Variants in NLGN4X observed in about 807,000 individuals in gnomAD.
The protein encoded by NLGN4X is neuroligin 4 X-linked.
NLGN4X carries 3 observed loss-of-function variants against 40.3 expected under a neutral mutation model. That is an observed-to-expected ratio of 0.07 (90% CI 0.03 to 0.19). The LOEUF is 0.19. NLGN4X is among the 10% of genes least tolerant of loss of function. The pLI is 1.00. For synonymous variants in NLGN4X, 270 were observed against 306.8 expected (o/e 0.88, Z 1.25); for missense variants, 382 against 708.3 (o/e 0.54, Z 5.23).
chrX:6,107,537 T>G (rs1336867893), intron 2 of NLGN4X, among the ~76,000 whole-genome samples: 1 of 111,688 alleles, frequency 9.0e-6, no homozygotes, highest in East Asian at 2.8e-4. Flanking sequence ...TACACTTTTT[T>G]GTGTTTTTGT....
chrX:5,891,513 T>G lies in NLGN4X; in HGVS notation c.*1304A>C, dbSNP rs1214272522. ...AATCTGATTAGCTAAGCTGAGCAGG[T>G]ACTTCATCGGCCAAACCCTCCCGCA... On this transcript the variant is annotated 3_prime_UTR_variant, in exon 6 of 6. Coordinates refer to ENST00000381095, the MANE Select transcript of NLGN4X (RefSeq NM_181332.3). 2.7e-5 allele frequency: 8 copies of G among 291,529 alleles called. No individual in the cohort carries two copies. Among genetic ancestry groups the G allele is most frequent in the Non-Finnish European group, 5.2e-5 (8 of 154,919 alleles). The allele number at this position is 291,529 out of a possible 1,213,427, so 24.0% of individuals were successfully genotyped here. A position where few individuals can be genotyped will look rare whatever the true frequency, so the allele number is the denominator to read the frequency against.
At chrX:6,125,310 G>A (rs1422760152) in intron 2 of NLGN4X, among the ~76,000 whole-genome samples, 1 of 111,882 alleles carries the variant, frequency 8.9e-6, no homozygotes. Flanking sequence ...TAGCGAAACA[G>A]AGAAAAAACA....
intron 1 of NLGN4X, among the ~76,000 whole-genome samples, chrX:6,180,721 T>G (rs1251135295): frequency 9.0e-6 from 1 of 110,890 alleles, no homozygotes; most frequent in Non-Finnish European, 1.9e-5. Context: ...GTGGCAGAAC[T>G]GTACTAAAAA....
At chrX:5,905,744 A>G (rs922606139) in intron 4 of NLGN4X, among the ~76,000 whole-genome samples, 2 of 111,841 alleles carry the variant, frequency 1.8e-5, no homozygotes, top group South Asian at 7.5e-4. Context: ...CAGTGGCGGG[A>G]TCTTGGCTCG....
chrX:6,003,520 A>G (rs958355290), intron 3 of NLGN4X, among the ~76,000 whole-genome samples: 2 of 111,870 alleles, frequency 1.8e-5, no homozygotes, highest in African/African-American at 6.5e-5. Context: ...TCCATAAAAC[A>G]AACGAAAATT....
intron 4 of NLGN4X, among the ~76,000 whole-genome samples, chrX:5,908,608 T>C (rs1006942732): frequency 2.7e-5 from 3 of 111,892 alleles, no homozygotes; most frequent in Admixed American, 1.9e-4. Flanking sequence ...CACATTTAAA[T>C]TAGGAGAAAA....
chrX:5,944,671 AAAG>A (rs1259686201), intron 3 of NLGN4X, among the ~76,000 whole-genome samples: 146 of 106,658 alleles, frequency 1.4e-3, no homozygotes, highest in African/African-American at 4.6e-3. Context: ...AAAAAAAAAA[AAAG>A]AAGAAGAAAT....
chrX:5,920,959 G>A (rs911506033), intron 3 of NLGN4X, among the ~76,000 whole-genome samples: 10 of 110,176 alleles, frequency 9.1e-5, no homozygotes, highest in Non-Finnish European at 1.9e-5. Context: ...ATTATCTTGT[G>A]CAAGAAGACA....
intron 4 of NLGN4X, among the ~76,000 whole-genome samples, chrX:5,906,055 T>C (rs992720905): frequency 8.9e-6 from 1 of 112,108 alleles, no homozygotes; most frequent in Non-Finnish European, 1.9e-5. Context: ...TTCCAACCTA[T>C]TGACTTAAAT....
At chrX:5,950,255 G>A (rs906689539) in intron 3 of NLGN4X, among the ~76,000 whole-genome samples, 7 of 111,961 alleles carry the variant, frequency 6.3e-5, no homozygotes, top group African/African-American at 2.3e-4. Flanking sequence ...TGTTCAAACC[G>A]AGATGTGTTG....
rs141788742 is a variant in NLGN4X at position 5,977,989 on chromosome X, C to T, written c.625+51291G>A. ...CTTTGAAGACCCATCTCTAGGAAAA[C>T]GGCTGGTGCATTGCTCTTGCAGGAA... On this transcript the variant is annotated intron_variant, in intron 3 of 5. Coordinates refer to ENST00000381095, the MANE Select transcript of NLGN4X (RefSeq NM_181332.3). Among the ~76,000 whole-genome samples, 415 of 112,111 alleles carry T rather than the reference C, an allele frequency of 3.7e-3. 1 individual carries two copies. Among genetic ancestry groups the T allele is most frequent in the African/African-American group, 0.013 (394 of 30,899 alleles).
intron 2 of NLGN4X, among the ~76,000 whole-genome samples, chrX:6,126,303 G>C (rs952003804): frequency 9.0e-6 from 1 of 111,646 alleles, no homozygotes; most frequent in Admixed American, 9.6e-5. Context: ...GGGAACAAAA[G>C]TTTGTACCAA....
In NLGN4X at chrX:5,990,089, TC is replaced by T. The variant is rs1332836751; in HGVS notation, c.625+39190del. On this transcript the variant is annotated intron_variant, in intron 3 of 5. Coordinates refer to ENST00000381095, the MANE Select transcript of NLGN4X (RefSeq NM_181332.3). Reference sequence around the variant, plus strand: ...CTGTCTCTATTTTCCTCTCTCTCTCTCTCTCTCTCTCTCTCTCTCTCTCTCT... The same window carrying T: ...CTGTCTCTATTTTCCTCTCTCTCTCTTCTCTCTCTCTCTCTCTCTCTCTCT... 7.4e-5 allele frequency among the ~76,000 whole-genome samples: 8 copies of T among 107,414 alleles called. No individual in the cohort carries two copies. In the East Asian group the frequency reaches 2.3e-3, roughly 31 times the overall value. The allele number at this position is 107,414 out of a possible 115,157, so 93.3% of individuals were successfully genotyped here. A position where few individuals can be genotyped will look rare whatever the true frequency, so the allele number is the denominator to read the frequency against.
intron 3 of NLGN4X, among the ~76,000 whole-genome samples, chrX:6,007,729 A>T (rs1602053138): frequency 8.9e-6 from 1 of 111,848 alleles, no homozygotes; most frequent in East Asian, 2.8e-4. Context: ...CTAGATACAT[A>T]TAAAATTTTC....
intron 3 of NLGN4X, among the ~76,000 whole-genome samples, chrX:5,925,881 CATATATAT>C (rs55860509): frequency 0.064 from 1,244 of 19,449 alleles, 52 homozygotes; most frequent in Non-Finnish European, 0.11. Context: ...TACATACACA[CATATATAT>C]ATATATATAT....
At chrX:5,981,081 A>G (rs1471715179) in intron 3 of NLGN4X, among the ~76,000 whole-genome samples, 10 of 111,194 alleles carry the variant, frequency 9.0e-5, no homozygotes, top group Non-Finnish European at 1.7e-4. Context: ...AGCCTTCATC[A>G]GTGTCCCTCA....
intron 3 of NLGN4X, among the ~76,000 whole-genome samples, chrX:5,911,441 T>C (rs1193107058): frequency 8.9e-6 from 1 of 111,808 alleles, no homozygotes; most frequent in Non-Finnish European, 1.9e-5. Flanking sequence ...AAATCTTAGT[T>C]CTTCTAACAG....
chrX:5,954,383 T>C (rs2034413641), intron 3 of NLGN4X, among the ~76,000 whole-genome samples: 1 of 88,369 alleles, frequency 1.1e-5, no homozygotes, highest in African/African-American at 4.1e-5. Context: ...ACCAGCATGC[T>C]TGGCTAACTT....
chrX:5,948,968 G>T (rs1305523680), intron 3 of NLGN4X, among the ~76,000 whole-genome samples: 1 of 111,641 alleles, frequency 9.0e-6, no homozygotes, highest in Non-Finnish European at 1.9e-5. Context: ...TAAAGCTACT[G>T]ACTGGAGCAC....
Sources: gnomAD v4.1 joint callset for allele counts (sites outside exome capture counted in the v4.1 genomes callset) on GRCh38, gnomAD v4.1.1 for gene constraint, MANE v1.5 for transcripts, NCBI Gene and HGNC (gene_info 2026-07-23, HGNC 2026-07-21) for gene names.